Variants in TNS2 observed in about 807,000 individuals in gnomAD.
The protein encoded by TNS2 is tensin 2, also known as tensin-2.
In TNS2, 77 loss-of-function variants were observed where a neutral mutation model predicts 155.7. The observed-to-expected ratio is 0.49, with a 90% CI of 0.41 to 0.60. TNS2 has a LOEUF of 0.60. Ranked by LOEUF, TNS2 falls within the 20% of genes least tolerant of loss-of-function variation. The pLI, the probability that TNS2 is intolerant of heterozygous loss-of-function variation, is 0.00. For missense variants in TNS2, 1,703 were observed against 1,868.8 expected, an observed-to-expected ratio of 0.91 and a Z score of 1.64; for synonymous variants, 726 against 763.9, an observed-to-expected ratio of 0.95 and a Z score of 0.82.
chr12:53,050,199 G>C lies in TNS2; in HGVS notation c.14G>C (p.Gly5Ala), dbSNP rs372244474. The C allele has an allele frequency of 6.2e-7, 1 of 1,611,224 alleles. No individual in the cohort carries two copies. Among genetic ancestry groups the C allele is most frequent in the South Asian group, 1.1e-5 (1 of 90,602 alleles). Residue 5 changes from glycine to alanine, a missense_variant, in exon 1 of 29, where the codon GGC becomes GCC. Gly to Ala is a moderately conservative substitution (Grantham distance 60). Transcript: ENST00000314250. This position sits in a 1 kb window ranked among gnomAD's most constrained non-coding sequence, Gnocchi z 4.7. ...CAGCCGAACACCATGAAGTCCAGCGGCCCTGTGGAGAGGCTGCTCAGAGCC... is the reference window on the plus strand; with the variant it reads ...CAGCCGAACACCATGAAGTCCAGCGCCCCTGTGGAGAGGCTGCTCAGAGCC... MKSS[G>A]PVERLLRALG...
intron 10 of TNS2, 67 bp from the exon 11 acceptor site, chr12:53,056,946 G>C: frequency 6.9e-7 from 1 of 1,456,690 alleles, no homozygotes; most frequent in Non-Finnish European, 9.5e-7. Context: ...ATCCCCTGGG[G>C]CTTAGGGATG....
At position 53,060,919 on chromosome 12, in the gene TNS2, G is replaced by C; in HGVS notation, c.3013G>C (p.Val1005Leu). 1.3e-6 allele frequency: 2 copies of C among 1,596,014 alleles called. No homozygotes were observed. Among genetic ancestry groups the C allele is most frequent in the Non-Finnish European group, 1.7e-6 (2 of 1,171,366 alleles). Residue 1005 changes from valine to leucine, a missense_variant, in exon 20 of 29, where the codon GTG (valine) becomes CTG (leucine). By Grantham distance (32) the Val-to-Leu change is conservative. Transcript: ENST00000314250. The surrounding 1 kb of genome is among the most constrained non-coding windows in gnomAD (Gnocchi z 6.1). The part of the protein sequence containing the change: ...HSDGASPRSP[V>L]PTTLPGLRHA... The stretch of plus-strand genomic sequence containing the variant: ...AGATGGCGCCAGTCCTCGGAGCCCT[G>C]TGCCCACCACACTTCCTGGCCTCCG...
rs201447820 is a variant in TNS2 at position 53,055,786 on chromosome 12, C to T, written c.702C>T (p.Asn234=). 2.7e-5 allele frequency: 43 copies of T among 1,614,102 alleles called. No individual in the cohort carries two copies. The highest frequency in any genetic ancestry group is 1.7e-5 in the Non-Finnish European group (20 of 1,180,054). ...QHVVVLYCKG[N]KGKLGVIVSA... Reference sequence around the variant, plus strand: ...CCTGTCTCTCTGTCTGTCAGGGAAACAAGGGCAAGCTTGGGGTCATCGTTT... The same window carrying T: ...CCTGTCTCTCTGTCTGTCAGGGAAATAAGGGCAAGCTTGGGGTCATCGTTT... Residue 234 remains asparagine, a synonymous_variant, in exon 10 of 29, where the codon AAC becomes AAT. Transcript: ENST00000314250.
upstream of TNS2, among the ~76,000 whole-genome samples, chr12:53,049,741 A>C (rs1244251832): frequency 1.3e-5 from 2 of 152,010 alleles, no homozygotes; most frequent in Non-Finnish European, 2.9e-5. Context: ...GCTGGGACAC[A>C]CTGTTCCCCA....
Position 53,060,555 on chromosome 12 carries a change from G to T in TNS2, c.2768G>T (p.Ser923Ile). 6.2e-7 allele frequency: 1 copy of T among 1,613,148 alleles called. No individual in the cohort carries two copies. The highest frequency in any genetic ancestry group is 8.5e-7 in the Non-Finnish European group (1 of 1,179,788). The change falls in exon 19 of 29, where the codon AGC becomes ATC. Residue 923 changes from serine to isoleucine, a missense_variant and splice_region_variant. Ser to Ile is a moderately radical substitution (Grantham distance 142). Coordinates refer to ENST00000314250, the MANE Select transcript of TNS2 (RefSeq NM_170754.4). This position sits in a 1 kb window ranked among gnomAD's most constrained non-coding sequence, Gnocchi z 6.1. ...AGCAGTCCAGTCCAGGGCAAGGAAAGGTATGCAGAGGGGCCGGGGATGCTC... is the reference window on the plus strand; with the variant it reads ...AGCAGTCCAGTCCAGGGCAAGGAAATGTATGCAGAGGGGCCGGGGATGCTC... ...HTSSPVQGKE[S>I]TRRQDTRSPT...
intron 17 of TNS2, 73 bp downstream of exon 17, chr12:53,058,900 C>T: frequency 1.3e-6 from 2 of 1,568,842 alleles, no homozygotes; most frequent in Non-Finnish European, 1.7e-6. Context: ...CAGGGAGAAG[C>T]ACACTCCCTC....
chr12:53,056,040 G>A, intron 10 of TNS2, 195 bp downstream of exon 10: 2 of 597,700 alleles, frequency 3.3e-6, no homozygotes, highest in Non-Finnish European at 2.9e-6. Context: ...TCCTGGGGCA[G>A]CCACAAACAG....
chr12:53,060,344 C>T lies in TNS2; in HGVS notation c.2618-61C>T. On this transcript the variant is annotated intron_variant, in intron 18 of 28. Coordinates refer to ENST00000314250, the MANE Select transcript of TNS2 (RefSeq NM_170754.4). This position sits in a 1 kb window ranked among gnomAD's most constrained non-coding sequence, Gnocchi z 6.1. ...AGTCAAGGGGGAACAGGGTGAGAAA[C>T]AGCTAAGCCAGACAGAAGAGCCCCA... 1 of 1,580,778 alleles carries T rather than the reference C, an allele frequency of 6.3e-7. No individual in the cohort carries two copies. The highest frequency in any genetic ancestry group is 2.3e-5 in the East Asian group (1 of 44,318).
chr12:53,054,532 A>G, intron 7 of TNS2, 91 bp downstream of exon 7: 1 of 866,824 alleles, frequency 1.2e-6, no homozygotes, highest in Non-Finnish European at 1.5e-6. Flanking sequence ...AGCGGAGGCG[A>G]GGCCGCCAGG....
In TNS2 at chr12:53,054,360, G is replaced by C; in HGVS notation, c.441G>C (p.Ala147=). ...TERILAAAFP[A]RPDEQRHRGH... Reference sequence around the variant, plus strand: ...GCATCTTGGCCGCCGCCTTCCCCGCGCGGCCCGATGAACAGCGGCACCGGG... The same window carrying C: ...GCATCTTGGCCGCCGCCTTCCCCGCCCGGCCCGATGAACAGCGGCACCGGG... Residue 147 remains alanine (A), a synonymous_variant, in exon 7 of 29, where the codon GCG becomes GCC. Coordinates refer to ENST00000314250, the MANE Select transcript of TNS2 (RefSeq NM_170754.4). 6.2e-7 allele frequency: 1 copy of C among 1,612,612 alleles called. No homozygotes were observed. The highest frequency in any genetic ancestry group is 8.5e-7 in the Non-Finnish European group (1 of 1,179,796).
chr12:53,062,718 C>T, intron 25 of TNS2, 21 bp downstream of exon 25: 5 of 1,612,764 alleles, frequency 3.1e-6, no homozygotes, highest in Non-Finnish European at 4.2e-6. Context: ...CCCCTCCACT[C>T]CCCTCCCTCT....
chr12:53,062,797 C>T, intron 25 of TNS2, 100 bp downstream of exon 25: 1 of 1,401,890 alleles, frequency 7.1e-7, no homozygotes. Flanking sequence ...GTGGGTGAGC[C>T]CTGGCCAACC....
At chr12:53,061,676 C>G in intron 21 of TNS2, 139 bp from the exon 22 acceptor site, 4 of 1,460,480 alleles carry the variant, frequency 2.7e-6, no homozygotes, top group East Asian at 2.3e-5. Context: ...CTCTAGAGCC[C>G]TGGCCTCAGA....
intron 11 of TNS2, 39 bp downstream of exon 11, chr12:53,057,135 C>A (rs1483750177): frequency 6.3e-7 from 1 of 1,582,126 alleles, no homozygotes; most frequent in East Asian, 2.3e-5. Context: ...AGGAGCAGCT[C>A]CCTTCATGGC....
Position 53,060,120 on chromosome 12 carries a change from C to T in TNS2, c.2479C>T (p.Arg827Trp), listed in dbSNP as rs370495406. 2.4e-5 allele frequency: 38 copies of T among 1,610,534 alleles called. No individual in the cohort carries two copies. The highest frequency in any genetic ancestry group is 1.9e-4 in the African/African-American group (14 of 74,872). ...GYPSPGAHSP[R>W]AGSISPGSPP... ...TCCCAGCCCTGGTGCCCACTCCCCACGGGCTGGCTCCATTTCCCCGGGCAG... is the reference window on the plus strand; with the variant it reads ...TCCCAGCCCTGGTGCCCACTCCCCATGGGCTGGCTCCATTTCCCCGGGCAG... Residue 827 changes from arginine to tryptophan, a missense_variant, in exon 18 of 29, where the codon CGG becomes TGG. Physicochemically the swap from Arg to Trp is moderately radical, Grantham distance 101. Transcript: ENST00000314250. This position sits in a 1 kb window ranked among gnomAD's most constrained non-coding sequence, Gnocchi z 6.1.
In TNS2 at chr12:53,055,252, C is replaced by A; in HGVS notation, c.573+16C>A. 6.2e-7 allele frequency: 1 copy of A among 1,613,574 alleles called. No individual in the cohort carries two copies. The highest frequency in any genetic ancestry group is 8.5e-7 in the Non-Finnish European group (1 of 1,179,728). The stretch of plus-strand genomic sequence containing the variant: ...AAACCCCAAGGTATGAAGGAAATGG[C>A]CTGCCCAACCATTAAACCAAGCCAC... On this transcript the variant is annotated intron_variant, in intron 8 of 28. Coordinates refer to ENST00000314250, the MANE Select transcript of TNS2 (RefSeq NM_170754.4).
Position 53,059,806 on chromosome 12 carries a change from G to A in TNS2, c.2165G>A (p.Gly722Asp), listed in dbSNP as rs1592254841. The A allele has an allele frequency of 6.2e-7, 1 of 1,612,444 alleles. No individual in the cohort carries two copies. The highest frequency in any genetic ancestry group is 8.5e-7 in the Non-Finnish European group (1 of 1,179,722). The change falls in exon 18 of 29, where the codon GGC becomes GAC. Residue 722 changes from glycine (G) to aspartate (D), a missense_variant. Coordinates refer to ENST00000314250, the MANE Select transcript of TNS2 (RefSeq NM_170754.4). The surrounding 1 kb of genome is among the most constrained non-coding windows in gnomAD (Gnocchi z 4.7). ...EAGEGWASEA[G>D]KPLLHPVRPG... Reference sequence around the variant, plus strand: ...GGAGAAGGGTGGGCAAGTGAGGCTGGCAAGCCTCTCCTGCACCCAGTGCGG... The same window carrying A: ...GGAGAAGGGTGGGCAAGTGAGGCTGACAAGCCTCTCCTGCACCCAGTGCGG...
intron 3 of TNS2, 66 bp downstream of exon 3, chr12:53,052,558 T>C: frequency 6.2e-7 from 1 of 1,600,518 alleles, no homozygotes; most frequent in South Asian, 1.1e-5. Context: ...CCAAACAGGC[T>C]TCTGCAACCA....
In TNS2 at chr12:53,059,458, A is replaced by G. The variant is rs778827443; in HGVS notation, c.1817A>G (p.Asn606Ser). The change falls in exon 18 of 29, where the codon AAT becomes AGT. Residue 606 changes from asparagine (N) to serine (S), a missense_variant. Asn to Ser is a conservative substitution (Grantham distance 46). Transcript: ENST00000314250. This position sits in a 1 kb window ranked among gnomAD's most constrained non-coding sequence, Gnocchi z 4.7. ...TACCGGGAGCCCTGCGGGGTTCCCA[A>G]TGGGGGCTACTACCGGCCAGAGGGA... Reference protein sequence around the residue: ...QGYREPCGVPNGGYYRPEGTL... With the variant: ...QGYREPCGVPSGGYYRPEGTL... The G allele has an allele frequency of 5.9e-6, 9 of 1,518,404 alleles. No individual in the cohort carries two copies. The highest frequency in any genetic ancestry group is 4.7e-5 in the East Asian group (2 of 42,996). The allele number at this position is 1,518,404 out of a possible 1,614,324, so 94.1% of individuals were successfully genotyped here.
Sources: allele counts gnomAD v4.1 joint callset (sites outside exome capture counted in the v4.1 genomes callset), GRCh38; gene constraint gnomAD v4.1.1; non-coding constraint Gnocchi (gnomAD v3.1); transcripts MANE v1.5; gene names NCBI Gene and HGNC (gene_info 2026-07-23, HGNC 2026-07-21).